The following RIPOR3 variants were observed in gnomAD, a reference collection of about 807,000 sequenced individuals.
RIPOR3 encodes RIPOR family member 3.
A neutral mutation model predicts 114.3 loss-of-function variants in RIPOR3; 95 were observed. The observed-to-expected ratio is 0.83, with a 90% CI of 0.70 to 0.99. RIPOR3 has a LOEUF of 0.99. Among genes scored for constraint, RIPOR3 ranks in the 50% least tolerant of loss-of-function variants. The pLI, the probability that RIPOR3 is intolerant of heterozygous loss-of-function variation, is 0.00. For missense variants in RIPOR3, 1,252 were observed against 1,266.9 expected, an observed-to-expected ratio of 0.99 and a Z score of 0.18; for synonymous variants, 575 against 543.8, an observed-to-expected ratio of 1.06 and a Z score of -0.80.
chr20:50,631,993 G>A (rs2084835981), intron 1 of RIPOR3, among the ~76,000 whole-genome samples: 1 of 152,226 alleles, frequency 6.6e-6, no homozygotes, highest in South Asian at 2.1e-4. Context: ...CCTGCACGAT[G>A]AGACCCCCAT....
intron 1 of RIPOR3, among the ~76,000 whole-genome samples, chr20:50,639,417 C>T (rs531935102): frequency 2.0e-5 from 3 of 152,254 alleles, no homozygotes; most frequent in African/African-American, 7.2e-5. Flanking sequence ...TTCTAAACCC[C>T]GGACACTGGG....
chr20:50,639,587 T>C (rs1407819857), intron 1 of RIPOR3, among the ~76,000 whole-genome samples: 2 of 151,952 alleles, frequency 1.3e-5, no homozygotes, highest in African/African-American at 4.8e-5. Flanking sequence ...TGCATAAAAA[T>C]CCAGGTGCAG....
rs146342317 is a variant in RIPOR3 at position 50,614,304 on chromosome 20, G to A, written c.348+1698C>T. 2.7e-3 allele frequency among the ~76,000 whole-genome samples: 416 copies of A among 152,298 alleles called. 3 individuals carry two copies. The highest frequency in any genetic ancestry group is 9.3e-3 in the African/African-American group (386 of 41,554). ...ACCCGCCTTGGCCTCCCAAAGTGCT[G>A]AGACTACAAGCGTGAGCCACTGTGC... is the stretch of plus-strand genomic sequence containing the variant. On this transcript the variant is annotated intron_variant, in intron 4 of 21. Coordinates refer to ENST00000327979, the MANE Select transcript of RIPOR3 (RefSeq NM_001290268.2).
chr20:50,608,414 T>G lies in RIPOR3; in HGVS notation c.931A>C (p.Lys311Gln). 6.2e-7 allele frequency: 1 copy of G among 1,613,898 alleles called. No individual in the cohort carries two copies. The highest frequency in any genetic ancestry group is 8.5e-7 in the Non-Finnish European group (1 of 1,179,922). The change falls in exon 11 of 22, where the codon AAG (lysine) becomes CAG (glutamine). Residue 311 changes from lysine to glutamine, a missense_variant. Coordinates refer to ENST00000327979, the MANE Select transcript of RIPOR3 (RefSeq NM_001290268.2). ...VVDITELGTI[K>Q]LQLEVQWNPF... ...TTCCACTGCACCTCCAGCTGCAGCT[T>G]GATGGTACCCAACTCCGTGATGTCC...
chr20:50,615,834 G>A lies in RIPOR3; in HGVS notation c.348+168C>T, dbSNP rs557163453. On this transcript the variant is annotated intron_variant, in intron 4 of 21. Coordinates refer to ENST00000327979, the MANE Select transcript of RIPOR3 (RefSeq NM_001290268.2). Reference sequence around the variant, plus strand: ...ATGGGCCTAAAACGTGTGAACTGCTGTACGTGCCAAAGTGAAGTTAACTCA... The same window carrying A: ...ATGGGCCTAAAACGTGTGAACTGCTATACGTGCCAAAGTGAAGTTAACTCA... Among the ~76,000 whole-genome samples the A allele has an allele frequency of 2.6e-5, 4 of 152,370 alleles. No homozygotes were observed. The South Asian group carries it at 6.2e-4, about 24-fold the overall frequency.
At position 50,587,822 on chromosome 20, in the gene RIPOR3, C is replaced by T. The variant is rs373645112; in HGVS notation, c.2732G>A (p.Arg911Gln). 3.5e-5 allele frequency: 56 copies of T among 1,614,084 alleles called. No individual in the cohort carries two copies. In the African/African-American group the frequency reaches 5.3e-4, roughly 15 times the overall value. The change falls in exon 21 of 22, where the codon CGG becomes CAG. Residue 911 changes from arginine to glutamine, a missense_variant. Arg to Gln is a conservative substitution (Grantham distance 43, BLOSUM62 1). Coordinates refer to ENST00000327979, the MANE Select transcript of RIPOR3 (RefSeq NM_001290268.2). The part of the protein sequence containing the change: ...SDLEAVRAAA[R>Q]ETTLSFGEKG... The stretch of plus-strand genomic sequence containing the variant: ...TTTACCGAACGACAGTGTGGTTTCC[C>T]GGGCTGCCGCCCGCACGGCCTCCAG...
rs2082944460 is a variant in RIPOR3 at position 50,587,142 on chromosome 20, ACAGCACCATTACC to A, written c.*77_*89del. 7 of 983,130 alleles carry A rather than the reference ACAGCACCATTACC, an allele frequency of 7.1e-6. No individual in the cohort carries two copies. Among genetic ancestry groups the A allele is most frequent in the Non-Finnish European group, 1.1e-5 (7 of 627,676 alleles). The allele number at this position is 983,130 out of a possible 1,614,324, so 60.9% of individuals were successfully genotyped here. A position where few individuals can be genotyped will look rare whatever the true frequency, so the allele number is the denominator to read the frequency against. ...GCAGCTCACACTCCTGGAGGAGTGC[ACAGCACCATTACC>A]CAGAGTGCAGGCTATGTCCAGGCTG... On this transcript the variant is annotated 3_prime_UTR_variant, in exon 22 of 22. Coordinates refer to ENST00000327979, the MANE Select transcript of RIPOR3 (RefSeq NM_001290268.2).
At chr20:50,662,512 C>T (rs925526583) in intron 1 of RIPOR3, among the ~76,000 whole-genome samples, 1 of 152,216 alleles carries the variant, frequency 6.6e-6, no homozygotes, top group Non-Finnish European at 1.5e-5. Context: ...TGTCATCCCT[C>T]CCATGGGGAG....
At chr20:50,613,419 C>T (rs1225847656) in intron 4 of RIPOR3, among the ~76,000 whole-genome samples, 1 of 152,038 alleles carries the variant, frequency 6.6e-6, no homozygotes, top group East Asian at 1.9e-4. Context: ...TGACACTGGA[C>T]TCCAGCCTGG....
chr20:50,670,256 T>G (rs1028348783), intron 1 of RIPOR3, among the ~76,000 whole-genome samples: 3 of 151,652 alleles, frequency 2.0e-5, no homozygotes, highest in African/African-American at 7.3e-5. Context: ...TTTTACCTAC[T>G]GCCGGTTTCG....
chr20:50,615,334 G>A (rs2084132339), intron 4 of RIPOR3, among the ~76,000 whole-genome samples: 1 of 151,580 alleles, frequency 6.6e-6, no homozygotes, highest in South Asian at 2.1e-4. Context: ...GACCAGCCTA[G>A]GCAACATGAT....
intron 1 of RIPOR3, among the ~76,000 whole-genome samples, chr20:50,675,175 G>T (rs567991063): frequency 1.3e-5 from 2 of 152,174 alleles, no homozygotes; most frequent in Admixed American, 6.6e-5. Flanking sequence ...AAGCTAAGAG[G>T]CAAGAAAGGA....
chr20:50,664,930 T>C (rs1207576285), intron 1 of RIPOR3, among the ~76,000 whole-genome samples: 2 of 151,640 alleles, frequency 1.3e-5, no homozygotes, highest in African/African-American at 4.9e-5. Context: ...GGCAAAAACT[T>C]GTCTCTACTA....
At chr20:50,648,219 T>C (rs1393505361) in intron 1 of RIPOR3, among the ~76,000 whole-genome samples, 3 of 151,584 alleles carry the variant, frequency 2.0e-5, no homozygotes, top group African/African-American at 7.3e-5. Context: ...GAGGTTGCAG[T>C]GAGCTGAGAT....
At chr20:50,623,012 C>T (rs1486212513) in intron 2 of RIPOR3, among the ~76,000 whole-genome samples, 3 of 152,068 alleles carry the variant, frequency 2.0e-5, no homozygotes, top group Admixed American at 2.0e-4. Flanking sequence ...ACCTATAATC[C>T]CAGCACTTCG....
intron 2 of RIPOR3, among the ~76,000 whole-genome samples, chr20:50,625,533 G>A (rs1568884786): frequency 2.0e-5 from 3 of 152,186 alleles, no homozygotes; most frequent in African/African-American, 4.8e-5. Context: ...GATATGAGCC[G>A]CCTCTTTCTC....
chr20:50,600,866 G>A (rs570516946), intron 13 of RIPOR3, among the ~76,000 whole-genome samples: 3 of 152,282 alleles, frequency 2.0e-5, no homozygotes, highest in Non-Finnish European at 2.9e-5. Context: ...AGTGGTAAAC[G>A]GAACATATTT....
intron 2 of RIPOR3, among the ~76,000 whole-genome samples, chr20:50,623,854 T>C (rs897109255): frequency 1.1e-4 from 17 of 152,070 alleles, no homozygotes; most frequent in Non-Finnish European, 7.3e-5. Context: ...TATTATTATT[T>C]TGAGATGAAA....
At chr20:50,597,435 T>C in intron 14 of RIPOR3, 145 bp downstream of exon 14, 1 of 1,177,774 alleles carries the variant, frequency 8.5e-7, no homozygotes, top group South Asian at 1.6e-5. Flanking sequence ...GGGGATGGCA[T>C]GGGGAAGGGT....
Sources: gnomAD v4.1 joint callset for allele counts (sites outside exome capture counted in the v4.1 genomes callset) on GRCh38, gnomAD v4.1.1 for gene constraint, MANE v1.5 for transcripts, NCBI Gene and HGNC (gene_info 2026-07-23, HGNC 2026-07-21) for gene names.